REXO5: variants seen among roughly 807,000 people sequenced by gnomAD.
REXO5 encodes the protein exonuclease NEF-sp.
Under a neutral mutation model 88.5 loss-of-function variants are expected in REXO5, and 48 were observed. The ratio of observed to expected loss-of-function variants is 0.54; its 90% CI spans 0.43 to 0.69. The LOEUF (loss-of-function observed/expected upper bound fraction) is 0.69, where lower values mean the gene tolerates loss of function less well. Ranked by LOEUF, REXO5 falls within the 30% of genes least tolerant of loss-of-function variation. REXO5 has a pLI of 0.00. For missense variants in REXO5, 749 were observed against 912.2 expected (o/e 0.82, Z 2.30); for synonymous variants, 311 against 336.5 (o/e 0.92, Z 0.83).
chr16:20,815,354 T>TA (rs1010320362), intron 4 of REXO5, among the ~76,000 whole-genome samples: 1 of 152,268 alleles, frequency 6.6e-6, no homozygotes, highest in South Asian at 2.1e-4. Flanking sequence ...TACCTCTCTT[T>TA]AAAAAAATCG....
chr16:20,835,498 C>T (rs764093984), intron 13 of REXO5, among the ~76,000 whole-genome samples: 13 of 152,088 alleles, frequency 8.5e-5, no homozygotes, highest in South Asian at 4.1e-4. Flanking sequence ...TCCTTGACCT[C>T]GCATAGTTTA....
At chr16:20,820,236 C>A (rs1184876603) in intron 5 of REXO5, among the ~76,000 whole-genome samples, 2 of 152,020 alleles carry the variant, frequency 1.3e-5, no homozygotes, top group Non-Finnish European at 2.9e-5. Context: ...ACCTTTCTTT[C>A]TTCATTACTG....
At chr16:20,844,995 T>G (rs2081585035) in intron 17 of REXO5, 59 bp from the exon 18 acceptor site, 5 of 1,586,266 alleles carry the variant, frequency 3.2e-6, no homozygotes, top group African/African-American at 1.4e-5. Context: ...CCAGGCAGCT[T>G]GGATGGTGAT....
At chr16:20,836,047 G>A (rs1414990640) in intron 13 of REXO5, among the ~76,000 whole-genome samples, 1 of 151,982 alleles carries the variant, frequency 6.6e-6, no homozygotes, top group African/African-American at 2.4e-5. Flanking sequence ...TCAAAAAAAA[G>A]AAAGTACAGA....
chr16:20,847,742 A>G (rs1307742131), intron 19 of REXO5, among the ~76,000 whole-genome samples: 1 of 152,196 alleles, frequency 6.6e-6, no homozygotes, highest in Admixed American at 6.5e-5. Context: ...AGTTGCCAGT[A>G]AAAGCTTTTT....
In REXO5 at chr16:20,840,337, A is replaced by C. The variant is rs746098946; in HGVS notation, c.1495A>C (p.Ile499Leu). The C allele has an allele frequency of 3.6e-5, 56 of 1,546,742 alleles. No individual in the cohort carries two copies. Among genetic ancestry groups the C allele is most frequent in the Non-Finnish European group, 4.2e-5 (48 of 1,134,926 alleles). ...LTEEMNKRMR[I>L]KWTEISTVYA... The stretch of plus-strand genomic sequence containing the variant: ...TCTGTTGTTTTTCCTACAGATGAGG[A>C]TCAAGTGGACAGAGATATCAACTGT... The change falls in exon 15 of 20, where the codon ATC becomes CTC. Residue 499 changes from isoleucine (I) to leucine (L), a missense_variant. Physicochemically the swap from Ile to Leu is conservative, Grantham distance 5. Coordinates refer to ENST00000261377, the MANE Select transcript of REXO5 (RefSeq NM_030941.3).
chr16:20,810,647 C>T (rs1366894349), intron 2 of REXO5, among the ~76,000 whole-genome samples: 2 of 152,220 alleles, frequency 1.3e-5, no homozygotes, highest in Non-Finnish European at 2.9e-5. Flanking sequence ...CTGCCCACCT[C>T]GGCTTCGCAA....
At chr16:20,829,148 C>A (rs2081302875) in intron 11 of REXO5, among the ~76,000 whole-genome samples, 1 of 152,154 alleles carries the variant, frequency 6.6e-6, no homozygotes. Context: ...AGGGCAATTT[C>A]TCTGAACAAC....
At chr16:20,807,566 A>C (rs2080910257) in intron 2 of REXO5, among the ~76,000 whole-genome samples, 1 of 146,958 alleles carries the variant, frequency 6.8e-6, no homozygotes, top group South Asian at 2.2e-4. Flanking sequence ...CTGGACAACA[A>C]GAAAGAAATC....
intron 11 of REXO5, among the ~76,000 whole-genome samples, chr16:20,830,312 G>C (rs536441625): frequency 6.6e-6 from 1 of 151,630 alleles, no homozygotes; most frequent in African/African-American, 2.4e-5. Flanking sequence ...TCAGCTTCCC[G>C]AGCAGCTGGG....
intron 13 of REXO5, among the ~76,000 whole-genome samples, chr16:20,833,488 T>A (rs2081378286): frequency 6.6e-6 from 1 of 152,232 alleles, no homozygotes; most frequent in Admixed American, 6.5e-5. Flanking sequence ...AGAGGCTACA[T>A]CAAACATGAG....
intron 10 of REXO5, among the ~76,000 whole-genome samples, chr16:20,827,821 T>C (rs2081281862): frequency 6.6e-6 from 1 of 152,190 alleles, no homozygotes; most frequent in South Asian, 2.1e-4. Context: ...CCTCAAATAT[T>C]CTAGAAGTCT....
intron 13 of REXO5, 26 bp from the exon 14 acceptor site, chr16:20,839,729 T>C: frequency 2.0e-6 from 3 of 1,532,984 alleles, no homozygotes; most frequent in Non-Finnish European, 9.0e-7. Context: ...GTTCCTACCT[T>C]ATCCAGGCTG....
intron 6 of REXO5, among the ~76,000 whole-genome samples, chr16:20,824,191 A>T (rs2081227737): frequency 1.3e-5 from 2 of 152,242 alleles, no homozygotes; most frequent in African/African-American, 4.8e-5. Flanking sequence ...GGTAACTGCC[A>T]GGAAGTTCAA....
At chr16:20,808,703 A>G (rs1198851103) in intron 2 of REXO5, 2 of 149,192 alleles carry the variant, frequency 1.3e-5, no homozygotes, top group African/African-American at 5.0e-5. Context: ...CCCAGGTTGA[A>G]GTGATCCTCC....
At chr16:20,817,965 T>G (rs2081106665) in intron 5 of REXO5, among the ~76,000 whole-genome samples, 1 of 152,284 alleles carries the variant, frequency 6.6e-6, no homozygotes, top group African/African-American at 2.4e-5. Flanking sequence ...CAAATAATGG[T>G]CTCTTCATAT....
chr16:20,833,925 T>A (rs997826042), intron 13 of REXO5, among the ~76,000 whole-genome samples: 1 of 152,244 alleles, frequency 6.6e-6, no homozygotes, highest in African/African-American at 2.4e-5. Context: ...CCAAATAATG[T>A]CTTTATAGCA....
intron 10 of REXO5, 127 bp from the exon 11 acceptor site, chr16:20,828,308 A>ATTTTTTGGAACCTTGT: frequency 1.6e-6 from 1 of 633,926 alleles, no homozygotes; most frequent in Non-Finnish European, 2.7e-6. Context: ...AGGAACCTTG[A>ATTTTTTGGAACCTTGT]TTTTTGTGAT....
chr16:20,806,729 C>T lies in REXO5; in HGVS notation c.-3+24C>T, dbSNP rs2080883808. ...CGGTAACCGATGCGGACGGTAAAGC[C>T]GTTTGGGTTAGAGCGGCGCGGGTGT... On this transcript the variant is annotated intron_variant, in intron 1 of 19. Coordinates refer to ENST00000261377, the MANE Select transcript of REXO5 (RefSeq NM_030941.3). 1.9e-5 allele frequency: 19 copies of T among 993,764 alleles called. No individual in the cohort carries two copies. In the South Asian group the frequency reaches 3.0e-4, roughly 15 times the overall value. 61.6% of individuals were successfully genotyped at this position (993,764 alleles called of 1,614,324 possible). A position where few individuals can be genotyped will look rare whatever the true frequency, so the allele number is the denominator to read the frequency against.
Sources: gnomAD v4.1 joint callset for allele counts (sites outside exome capture counted in the v4.1 genomes callset) on GRCh38, gnomAD v4.1.1 for gene constraint, MANE v1.5 for transcripts, NCBI Gene and HGNC (gene_info 2026-07-23, HGNC 2026-07-21) for gene names.